Variants in KIF26A observed in about 807,000 individuals in gnomAD.
KIF26A encodes the protein kinesin family member 26A, also known as kinesin-like protein KIF26A.
KIF26A carries 74 observed loss-of-function variants against 126.0 expected under a neutral mutation model. The ratio of observed to expected loss-of-function variants is 0.59; its 90% CI spans 0.49 to 0.71. KIF26A has a LOEUF of 0.71. Among genes scored for constraint, KIF26A ranks in the 30% least tolerant of loss-of-function variants. The pLI is 0.00. For synonymous variants in KIF26A, 1,445 were observed against 1,232.7 expected (o/e 1.17, Z -3.61); for missense variants, 2,984 against 2,763.3 (o/e 1.08, Z -1.79).
At position 104,179,678 on chromosome 14, in the gene KIF26A, C is replaced by T. The variant is rs2141123374; in HGVS notation, c.5537C>T (p.Ala1846Val). ...GCGGCCCTGGAGCGAGCCACGGCGG[C>T]CCTGGAGCAGTGCGTGAACCTGTGC... Reference protein sequence around the residue: ...YLAALERATAALEQCVNLCKA... With the variant: ...YLAALERATAVLEQCVNLCKA... Residue 1846 changes from alanine (A) to valine (V), a missense_variant, in exon 15 of 15, where the codon GCC becomes GTC. Physicochemically the swap from Ala to Val is moderately conservative, Grantham distance 64. Transcript: ENST00000423312. 2 of 1,548,978 alleles carry T rather than the reference C, an allele frequency of 1.3e-6. No homozygotes were observed. Among genetic ancestry groups the T allele is most frequent in the South Asian group, 1.2e-5 (1 of 83,972 alleles).
rs962506172 is a variant in KIF26A at position 104,177,126 on chromosome 14, C to T, written c.4338C>T (p.His1446=). The T allele has an allele frequency of 2.5e-6, 4 of 1,597,614 alleles. No individual in the cohort carries two copies. Among genetic ancestry groups the T allele is most frequent in the Non-Finnish European group, 3.4e-6 (4 of 1,179,326 alleles). Residue 1446 remains histidine, a synonymous_variant, in exon 12 of 15, where the codon CAC becomes CAT. Transcript: ENST00000423312. ...TGGAGCGGTACGAAGGCCTGGCGCA[C>T]AGCAGCAGCAAGGGCCGGGAAGCCC... ...ASLERYEGLA[H]SSSKGREAPG...
In KIF26A at chr14:104,171,679, C is replaced by T. The variant is rs1163263578; in HGVS notation, c.1114-44C>T. The stretch of plus-strand genomic sequence containing the variant: ...CTCCTGCCCTGTAATTAGTGGCCGG[C>T]TGGGCGGAGGCAGCTTCTCAGGTGC... On this transcript the variant is annotated intron_variant, in intron 5 of 14. Coordinates refer to ENST00000423312, the MANE Select transcript of KIF26A (RefSeq NM_015656.2). The T allele has an allele frequency of 4.7e-6, 7 of 1,496,284 alleles. No individual in the cohort carries two copies. The South Asian group carries it at 8.5e-5, about 18-fold the overall frequency. 92.7% of individuals were successfully genotyped at this position (1,496,284 alleles called of 1,614,324 possible).
chr14:104,140,488 G>A (rs979620721), intron 2 of KIF26A, among the ~76,000 whole-genome samples: 1 of 152,322 alleles, frequency 6.6e-6, no homozygotes, highest in Non-Finnish European at 1.5e-5. Context: ...GGGGAAACAC[G>A]CCAGAGACAG....
chr14:104,150,731 AT>A (rs1453440666), intron 2 of KIF26A, among the ~76,000 whole-genome samples: 1 of 152,180 alleles, frequency 6.6e-6, no homozygotes, highest in Non-Finnish European at 1.5e-5. Context: ...CTTGCCTGGA[AT>A]CCCTTGAGGC....
At chr14:104,171,981 G>A in intron 6 of KIF26A, 46 bp downstream of exon 6, 4 of 1,517,422 alleles carry the variant, frequency 2.6e-6, no homozygotes, top group Non-Finnish European at 3.6e-6. Context: ...CCGGAGCCGG[G>A]CTGCTGGCTC....
chr14:104,173,968 T>G, intron 10 of KIF26A, 100 bp downstream of exon 10: 1 of 1,450,552 alleles, frequency 6.9e-7, no homozygotes, highest in Non-Finnish European at 9.2e-7. Flanking sequence ...CCCCAGCTCC[T>G]CAGGGCTTTG....
At chr14:104,158,784 C>A (rs921826364) in intron 4 of KIF26A, among the ~76,000 whole-genome samples, 1 of 152,174 alleles carries the variant, frequency 6.6e-6, no homozygotes, top group African/African-American at 2.4e-5. Context: ...GTGGGAGCCT[C>A]CACTGGGCCC....
chr14:104,168,883 T>C (rs1440880889), intron 5 of KIF26A, among the ~76,000 whole-genome samples: 1 of 150,820 alleles, frequency 6.6e-6, no homozygotes, highest in Non-Finnish European at 1.5e-5. Context: ...TGAAGCAGAG[T>C]TGGGGGACTA....
Position 104,172,538 on chromosome 14 carries a change from G to C in KIF26A, c.1327-37G>C, listed in dbSNP as rs779736489. 5 of 1,529,708 alleles carry C rather than the reference G, an allele frequency of 3.3e-6. No homozygotes were observed. In the African/African-American group the frequency reaches 6.9e-5, roughly 21 times the overall value. 94.8% of individuals were successfully genotyped at this position (1,529,708 alleles called of 1,614,324 possible). A position where few individuals can be genotyped will look rare whatever the true frequency, so the allele number is the denominator to read the frequency against. ...AGGCCCACAGACGTGGCAGAAGGAA[G>C]GGGCCACAGCCCTGCCTGATTCTCT... On this transcript the variant is annotated intron_variant, in intron 6 of 14. Coordinates refer to ENST00000423312, the MANE Select transcript of KIF26A (RefSeq NM_015656.2).
At chr14:104,150,415 C>G (rs902256104) in intron 2 of KIF26A, among the ~76,000 whole-genome samples, 1 of 151,844 alleles carries the variant, frequency 6.6e-6, no homozygotes, top group Non-Finnish European at 1.5e-5. Context: ...TGATGGGGGT[C>G]GCCTTTTCAT....
At chr14:104,166,127 G>A (rs1257323489) in intron 4 of KIF26A, among the ~76,000 whole-genome samples, 2 of 152,070 alleles carry the variant, frequency 1.3e-5, no homozygotes, top group South Asian at 2.1e-4. Flanking sequence ...CCTGGCTGAG[G>A]GGCAGGGTGG....
In KIF26A at chr14:104,152,236, G is replaced by A. The variant is rs1279610054; in HGVS notation, c.510G>A (p.Ser170=). Residue 170 remains serine (S), a synonymous_variant, in exon 3 of 15, where the codon TCG becomes TCA. Coordinates refer to ENST00000423312, the MANE Select transcript of KIF26A (RefSeq NM_015656.2). This position sits in a 1 kb window ranked among gnomAD's most constrained non-coding sequence, Gnocchi z 5.9. Reference sequence around the variant, plus strand: ...CACCCCCCAGCACCACGACCAGCTCGAGGGACACGCCAGGACCAGCGGGTC... The same window carrying A: ...CACCCCCCAGCACCACGACCAGCTCAAGGGACACGCCAGGACCAGCGGGTC... ...SLAPPSTTTS[S]RDTPGPAGPA... 5 of 1,598,604 alleles carry A rather than the reference G, an allele frequency of 3.1e-6. No homozygotes were observed. The highest frequency in any genetic ancestry group is 1.1e-5 in the South Asian group (1 of 89,026).
intron 3 of KIF26A, among the ~76,000 whole-genome samples, chr14:104,155,935 C>T (rs1803556570): frequency 6.6e-6 from 1 of 152,218 alleles, no homozygotes; most frequent in African/African-American, 2.4e-5. Flanking sequence ...CCTCGGTGCC[C>T]CTGTCCAGTG....
At position 104,179,622 on chromosome 14, in the gene KIF26A, G is replaced by A. The variant is rs536541710; in HGVS notation, c.5481G>A (p.Pro1827=). 4.5e-4 allele frequency: 691 copies of A among 1,534,722 alleles called. 17 individuals are homozygous for A. In the South Asian group the frequency reaches 5.5e-3, roughly 12 times the overall value. ...TCCCCTCCCCAGTTGAGGTGGACCC[G>A]GAGCTGGAGCCCGAGTCGGCCGAGT... is the stretch of plus-strand genomic sequence containing the variant. ...GRWLEQFEVD[P]ELEPESAEYL... The change falls in exon 15 of 15, where the codon CCG becomes CCA. Residue 1827 remains proline, a synonymous_variant. Transcript: ENST00000423312.
Position 104,177,258 on chromosome 14 carries a change from C to T in KIF26A, c.4470C>T (p.Ala1490=), listed in dbSNP as rs1009178013. ...CRSGAAKAVG[A]PKPPVGGGKG... ...GCGGCGCAGCCAAGGCTGTGGGGGCCCCCAAGCCCCCTGTTGGTGGAGGCA... is the reference window on the plus strand; with the variant it reads ...GCGGCGCAGCCAAGGCTGTGGGGGCTCCCAAGCCCCCTGTTGGTGGAGGCA... The change falls in exon 12 of 15, where the codon GCC becomes GCT. Residue 1490 remains alanine (A), a synonymous_variant. Coordinates refer to ENST00000423312, the MANE Select transcript of KIF26A (RefSeq NM_015656.2). The T allele has an allele frequency of 1.3e-6, 2 of 1,595,326 alleles. No individual in the cohort carries two copies. The highest frequency in any genetic ancestry group is 1.7e-6 in the Non-Finnish European group (2 of 1,174,414).
Position 104,175,101 on chromosome 14 carries a change from C to T in KIF26A, c.2313C>T (p.Pro771=). Residue 771 remains proline, a synonymous_variant, in exon 12 of 15, where the codon CCC becomes CCT. Transcript: ENST00000423312. ...TVALDPDRTP[P]CLPGDPDYSS... ...CCCTGGACCCCGACCGCACGCCTCCCTGCCTGCCCGGTGACCCCGATTACT... is the reference window on the plus strand; with the variant it reads ...CCCTGGACCCCGACCGCACGCCTCCTTGCCTGCCCGGTGACCCCGATTACT... 1 of 1,603,528 alleles carries T rather than the reference C, an allele frequency of 6.2e-7. No homozygotes were observed. The highest frequency in any genetic ancestry group is 1.3e-5 in the African/African-American group (1 of 74,886).
In KIF26A at chr14:104,177,686, ACAG is replaced by A; in HGVS notation, c.4903_4905del (p.Ser1635del). 2 of 1,531,118 alleles carry A rather than the reference ACAG, an allele frequency of 1.3e-6. No individual in the cohort carries two copies. Among genetic ancestry groups the A allele is most frequent in the Non-Finnish European group, 8.7e-7 (1 of 1,144,012 alleles). The allele number at this position is 1,531,118 out of a possible 1,614,324, so 94.8% of individuals were successfully genotyped here. On this transcript the variant is annotated inframe_deletion, in exon 12 of 15. Coordinates refer to ENST00000423312, the MANE Select transcript of KIF26A (RefSeq NM_015656.2). ...TACAGCAGCGGCCATGGCAGCGACA[ACAG>A]CAGCGTGCTGAGTGGAGAGCTGCCG...
intron 6 of KIF26A, 123 bp from the exon 7 acceptor site, chr14:104,172,452 G>C: frequency 1.5e-6 from 1 of 647,620 alleles, no homozygotes. Context: ...CTTGGTCCCA[G>C]GTGTGCAGCC....
intron 14 of KIF26A, 57 bp downstream of exon 14, chr14:104,179,443 C>T (rs935387103): frequency 2.6e-5 from 38 of 1,448,098 alleles, no homozygotes; most frequent in Middle Eastern, 2.5e-4. Flanking sequence ...TGACAGCTGC[C>T]CTCCCCTCCC....
Sources: allele counts gnomAD v4.1 joint callset (sites outside exome capture counted in the v4.1 genomes callset), GRCh38; gene constraint gnomAD v4.1.1; non-coding constraint Gnocchi (gnomAD v3.1); transcripts MANE v1.5; gene names NCBI Gene and HGNC (gene_info 2026-07-23, HGNC 2026-07-21).